The following ZYG11B variants were observed in gnomAD, a reference collection of about 807,000 sequenced individuals.
The protein encoded by ZYG11B is zyg-11 family member B, cell cycle regulator.
A neutral mutation model predicts 82.4 loss-of-function variants in ZYG11B; 36 were observed. The ratio of observed to expected loss-of-function variants is 0.44; its 90% CI spans 0.33 to 0.58. The LOEUF is 0.58. Ranked by LOEUF, ZYG11B falls within the 20% of genes least tolerant of loss-of-function variation. ZYG11B has a pLI of 0.02. For synonymous variants in ZYG11B, 303 were observed against 312.8 expected (o/e 0.97, Z 0.33); for missense variants, 552 against 895.6 (o/e 0.62, Z 4.90).
At chr1:52,754,142 C>T (rs1398902740) in intron 1 of ZYG11B, among the ~76,000 whole-genome samples, 1 of 151,838 alleles carries the variant, frequency 6.6e-6, no homozygotes, top group African/African-American at 2.4e-5. Context: ...TCTCCTGCCT[C>T]AGCCTCCCAA....
Position 52,771,383 on chromosome 1 carries a change from G to T in ZYG11B, c.560G>T (p.Arg187Ile). The T allele has an allele frequency of 2.5e-6, 4 of 1,614,192 alleles. No individual in the cohort carries two copies. Among genetic ancestry groups the T allele is most frequent in the Non-Finnish European group, 3.4e-6 (4 of 1,180,046 alleles). The change falls in exon 3 of 14, where the codon AGA (arginine) becomes ATA (isoleucine). Residue 187 changes from arginine (R) to isoleucine (I), a missense_variant. Coordinates refer to ENST00000294353, the MANE Select transcript of ZYG11B (RefSeq NM_024646.3). This position sits in a 1 kb window ranked among gnomAD's most constrained non-coding sequence, Gnocchi z 5.4. ...CTGGCTGAAGTTGCCTCATTGCCAA[G>T]ATTAGAGAGCTTGGATATTTCTAAC... ...EDLAEVASLPRLESLDISNTS... is the reference protein window; with the variant it reads ...EDLAEVASLPILESLDISNTS...
Position 52,815,565 on chromosome 1 carries a change from A to G in ZYG11B, c.1947-967A>G, listed in dbSNP as rs140155802. On this transcript the variant is annotated intron_variant, in intron 12 of 13. Transcript: ENST00000294353. ...AGCCTGGAAGGTTGAGGCTGCAATG[A>G]GTTGAGATCGCCTTACTGCACTCCA... 4.2e-3 allele frequency among the ~76,000 whole-genome samples: 644 copies of G among 152,206 alleles called. 3 individuals carry two copies. The highest frequency in any genetic ancestry group is 5.3e-3 in the Non-Finnish European group (361 of 68,018).
At chr1:52,772,266 A>G (rs1403427064) in intron 3 of ZYG11B, 12 of 1,317,392 alleles carry the variant, frequency 9.1e-6, no homozygotes, top group Non-Finnish European at 1.2e-5. Context: ...TGGTCTTATA[A>G]TATTGAGCCA....
intron 10 of ZYG11B, among the ~76,000 whole-genome samples, chr1:52,810,903 T>C (rs1454359795): frequency 6.6e-6 from 1 of 151,938 alleles, no homozygotes; most frequent in African/African-American, 2.4e-5. Context: ...GCCATGGTGG[T>C]GGCTGCCTGT....
chr1:52,807,491 C>CTT (rs34785263), intron 10 of ZYG11B, among the ~76,000 whole-genome samples: 35,974 of 128,730 alleles, frequency 0.28, 6,311 homozygotes, highest in Admixed American at 0.4. Context: ...GCTAAGAGTA[C>CTT]TTTTTTTTTT....
rs1456221312 is a variant in ZYG11B at position 52,803,125 on chromosome 1, T to C, written c.1695+986T>C. Among the ~76,000 whole-genome samples the C allele has an allele frequency of 1.4e-3, 127 of 88,890 alleles. 4 individuals are homozygous for C. Among genetic ancestry groups the C allele is most frequent in the African/African-American group, 9.3e-3 (116 of 12,454 alleles). 58.3% of individuals were successfully genotyped at this position (88,890 alleles called of 152,430 possible). ...ATATATATATATATATATACACACA[T>C]ATATATATACACACATATATATATA... On this transcript the variant is annotated intron_variant, in intron 10 of 13. Coordinates refer to ENST00000294353, the MANE Select transcript of ZYG11B (RefSeq NM_024646.3).
chr1:52,780,466 T>C (rs1236019087), intron 4 of ZYG11B, among the ~76,000 whole-genome samples: 1 of 151,860 alleles, frequency 6.6e-6, no homozygotes, highest in Non-Finnish European at 1.5e-5. Context: ...CTGAGCAAGA[T>C]GGCAAAACCC....
Position 52,803,223 on chromosome 1 carries a change from T to TAC in ZYG11B, c.1695+1090_1695+1091dup, listed in dbSNP as rs566197904. On this transcript the variant is annotated intron_variant, in intron 10 of 13. Transcript: ENST00000294353. ...ATATATACACACACATATATATATA[T>TAC]ACACACATATATATATACACACACA... is the stretch of plus-strand genomic sequence containing the variant. 2.8e-5 allele frequency among the ~76,000 whole-genome samples: 2 copies of TAC among 71,964 alleles called. 1 individual carries two copies. The highest frequency in any genetic ancestry group is 2.4e-4 in the African/African-American group (2 of 8,306). The allele number at this position is 71,964 out of a possible 152,430, so 47.2% of individuals were successfully genotyped here.
At chr1:52,785,289 G>T (rs1644904059) in intron 5 of ZYG11B, among the ~76,000 whole-genome samples, 1 of 152,090 alleles carries the variant, frequency 6.6e-6, no homozygotes, top group Non-Finnish European at 1.5e-5. Flanking sequence ...CTTCCTCCTA[G>T]ATCTTGAGTT....
In ZYG11B at chr1:52,811,049, A is replaced by AG. The variant is rs139193305; in HGVS notation, c.1696-2487_1696-2486insG. ...GCTCCGTCTCAAAAAAAAAAAAAAA[A>AG]AAAGAGAAATTTATCTTTCATATTT... is the stretch of plus-strand genomic sequence containing the variant. On this transcript the variant is annotated intron_variant, in intron 10 of 13. Transcript: ENST00000294353. Among the ~76,000 whole-genome samples, 512 of 47,350 alleles carry AG rather than the reference A, an allele frequency of 0.011. 8 individuals carry two copies. In the East Asian group the frequency reaches 0.24, roughly 22 times the overall value. The allele number at this position is 47,350 out of a possible 152,430, so 31.1% of individuals were successfully genotyped here.
chr1:52,805,347 C>A, intron 10 of ZYG11B: 1 of 368,104 alleles, frequency 2.7e-6, no homozygotes, highest in Non-Finnish European at 5.4e-6. Context: ...TGAGGACTGC[C>A]ATTTAAGGAA....
chr1:52,732,104 A>G (rs1038865211), intron 1 of ZYG11B, among the ~76,000 whole-genome samples: 1 of 152,192 alleles, frequency 6.6e-6, no homozygotes, highest in African/African-American at 2.4e-5. Flanking sequence ...TGCCCAGCCT[A>G]TTTTTTTCTT....
At chr1:52,742,899 C>CCCCCGCCCGGCCAGCCG (rs1644443330) in intron 1 of ZYG11B, among the ~76,000 whole-genome samples, 1 of 151,030 alleles carries the variant, frequency 6.6e-6, no homozygotes, top group Non-Finnish European at 1.5e-5. Flanking sequence ...TGGGGGGCAG[C>CCCCCGCCCGGCCAGCCG]CCCCGCCCGG....
chr1:52,743,443 G>T (rs1315073513), intron 1 of ZYG11B, among the ~76,000 whole-genome samples: 1 of 134,412 alleles, frequency 7.4e-6, no homozygotes, highest in Non-Finnish European at 1.6e-5. Flanking sequence ...TCATAAAATC[G>T]CTAAGAAAGT....
intron 1 of ZYG11B, among the ~76,000 whole-genome samples, chr1:52,739,900 T>C (rs1213844208): frequency 1.3e-5 from 2 of 152,224 alleles, no homozygotes; most frequent in Admixed American, 6.5e-5. Context: ...GCCACGCTCC[T>C]GGCCCTTGTT....
intron 10 of ZYG11B, among the ~76,000 whole-genome samples, chr1:52,803,155 CACATATATATAT>C (rs1558140258): frequency 0.045 from 2,177 of 47,998 alleles, 276 homozygotes; most frequent in Admixed American, 0.2. Flanking sequence ...TATATATATA[CACATATATATAT>C]ACACACATAT....
At chr1:52,798,990 A>C (rs1440887507) in intron 8 of ZYG11B, among the ~76,000 whole-genome samples, 1 of 152,168 alleles carries the variant, frequency 6.6e-6, no homozygotes, top group Non-Finnish European at 1.5e-5. Context: ...TTTGATAAAT[A>C]TGTATAAAGT....
chr1:52,803,227 CACATATATATATACACACACACATAT>C (rs1645105925), intron 10 of ZYG11B, among the ~76,000 whole-genome samples: 4 of 68,960 alleles, frequency 5.8e-5, no homozygotes, highest in African/African-American at 4.0e-4. Context: ...TATATATACA[CACATATATATATACACACACACATAT>C]ATATATATAT....
intron 1 of ZYG11B, among the ~76,000 whole-genome samples, chr1:52,742,304 T>C (rs1459117746): frequency 1.3e-5 from 2 of 151,910 alleles, no homozygotes; most frequent in Non-Finnish European, 2.9e-5. Context: ...AACAAAAAAT[T>C]AGCCAGACAT....
Sources: gnomAD v4.1 joint callset for allele counts (sites outside exome capture counted in the v4.1 genomes callset) on GRCh38, gnomAD v4.1.1 for gene constraint, Gnocchi (gnomAD v3.1) non-coding constraint, MANE v1.5 for transcripts, NCBI Gene and HGNC (gene_info 2026-07-23, HGNC 2026-07-21) for gene names.